The following RASA2 variants were observed in gnomAD, a reference collection of about 807,000 sequenced individuals.
RASA2 encodes ras GTPase-activating protein 2.
Under a neutral mutation model 118.2 loss-of-function variants are expected in RASA2, and 155 were observed. That is an observed-to-expected ratio of 1.31 (90% CI 1.15 to 1.50). The LOEUF (loss-of-function observed/expected upper bound fraction) is 1.50, where lower values mean the gene tolerates loss of function less well. RASA2 is among the 40% of genes most tolerant of loss of function. RASA2 has a pLI of 0.00. For missense variants in RASA2, 1,016 were observed against 1,009.6 expected (o/e 1.01, Z -0.09); for synonymous variants, 353 against 349.1 (o/e 1.01, Z -0.12).
intron 1 of RASA2, among the ~76,000 whole-genome samples, chr3:141,510,967 G>A (rs1423423549): frequency 6.6e-6 from 1 of 152,102 alleles, no homozygotes; most frequent in Non-Finnish European, 1.5e-5. Flanking sequence ...ATTGTAGGAG[G>A]GCCAAAAGTG....
chr3:141,540,445 A>AATT, intron 4 of RASA2, 88 bp from the exon 5 acceptor site: 1 of 1,059,746 alleles, frequency 9.4e-7, no homozygotes, highest in Non-Finnish European at 1.4e-6. Context: ...TCAGTGGATA[A>AATT]ATACTGTGGT....
chr3:141,581,747 A>C (rs2083117075), intron 17 of RASA2, among the ~76,000 whole-genome samples: 1 of 152,208 alleles, frequency 6.6e-6, no homozygotes, highest in Admixed American at 6.5e-5. Flanking sequence ...ATATAAATTT[A>C]TGGTAGTAAC....
intron 17 of RASA2, among the ~76,000 whole-genome samples, chr3:141,584,814 G>C (rs1044659662): frequency 1.3e-5 from 2 of 152,054 alleles, no homozygotes; most frequent in Admixed American, 1.3e-4. Flanking sequence ...AAATGGTTGA[G>C]ACCAGAAGTG....
chr3:141,557,289 T>C (rs182469377), intron 7 of RASA2, among the ~76,000 whole-genome samples: 5 of 152,304 alleles, frequency 3.3e-5, no homozygotes, highest in Non-Finnish European at 5.9e-5. Flanking sequence ...AGCAGACATA[T>C]GTATGCATAT....
At chr3:141,544,209 G>T (rs1281417304) in intron 5 of RASA2, among the ~76,000 whole-genome samples, 2 of 152,080 alleles carry the variant, frequency 1.3e-5, no homozygotes, top group Non-Finnish European at 2.9e-5. Context: ...TAGCTTGATT[G>T]TGATGTATCC....
At chr3:141,495,337 T>C (rs1343072131) in intron 1 of RASA2, among the ~76,000 whole-genome samples, 1 of 152,204 alleles carries the variant, frequency 6.6e-6, no homozygotes, top group African/African-American at 2.4e-5. Context: ...TCCTGTTAAC[T>C]CTTAACCTAC....
At chr3:141,520,542 A>AGTGT (rs34101510) in intron 3 of RASA2, among the ~76,000 whole-genome samples, 88 of 150,802 alleles carry the variant, frequency 5.8e-4, no homozygotes, top group South Asian at 3.8e-3. Flanking sequence ...ATATAACTGG[A>AGTGT]GTGTGTGTGT....
chr3:141,592,821 AAAAG>A (rs2083307704), intron 19 of RASA2, among the ~76,000 whole-genome samples: 1 of 152,140 alleles, frequency 6.6e-6, no homozygotes, highest in Admixed American at 6.5e-5. Context: ...TTGAGGAAAA[AAAAG>A]AAGTAAAGAA....
chr3:141,574,873 A>G (rs1243204423), intron 14 of RASA2, among the ~76,000 whole-genome samples: 2 of 152,096 alleles, frequency 1.3e-5, no homozygotes, highest in South Asian at 2.1e-4. Context: ...GACATTAGAA[A>G]CCTTTCTGTT....
Position 141,571,428 on chromosome 3 carries a change from AC to A in RASA2, c.1044del (p.Tyr348Ter). On this transcript the variant is annotated frameshift_variant, in exon 11 of 24. Coordinates refer to ENST00000286364, the MANE Select transcript of RASA2 (RefSeq NM_006506.5). LOFTEE classifies it high-confidence loss of function. ...DVQPISASAA[Y>X]ILSEICRDKN... ...TAGCCAATATCTGCCTCAGCTGCTT[AC>A]ATTTTGAGTGAAATATGTCGAGATA... is the stretch of plus-strand genomic sequence containing the variant. 1 of 1,613,658 alleles carries A rather than the reference AC, an allele frequency of 6.2e-7. No individual in the cohort carries two copies. The highest frequency in any genetic ancestry group is 8.5e-7 in the Non-Finnish European group (1 of 1,179,822).
intron 1 of RASA2, among the ~76,000 whole-genome samples, chr3:141,504,304 A>AT (rs1347994014): frequency 6.6e-6 from 1 of 152,008 alleles, no homozygotes; most frequent in Non-Finnish European, 1.5e-5. Flanking sequence ...TGATTCTCAA[A>AT]TTTTTTCTCT....
chr3:141,546,777 C>A (rs2082492521), intron 5 of RASA2, among the ~76,000 whole-genome samples: 2 of 152,154 alleles, frequency 1.3e-5, no homozygotes, highest in African/African-American at 4.8e-5. Context: ...TTTGTCTAGT[C>A]CAATGTCCTG....
chr3:141,569,779 C>A (rs989793922), intron 9 of RASA2, among the ~76,000 whole-genome samples: 2 of 152,050 alleles, frequency 1.3e-5, no homozygotes, highest in Admixed American at 6.6e-5. Context: ...TCCCTACCCC[C>A]CTATCTCCCT....
At chr3:141,561,889 A>T (rs1287691263) in intron 9 of RASA2, among the ~76,000 whole-genome samples, 1 of 152,138 alleles carries the variant, frequency 6.6e-6, no homozygotes, top group African/African-American at 2.4e-5. Flanking sequence ...AATATTTGAT[A>T]TGATTTAGCT....
Position 141,573,935 on chromosome 3 carries a change from A to G in RASA2, c.1360-9A>G. 1 of 1,564,880 alleles carries G rather than the reference A, an allele frequency of 6.4e-7. No individual in the cohort carries two copies. On this transcript the variant is annotated splice_polypyrimidine_tract_variant and intron_variant, in intron 13 of 23. Coordinates refer to ENST00000286364, the MANE Select transcript of RASA2 (RefSeq NM_006506.5). ...AAAATCTTAATGTTTACCTTTTTAA[A>G]TCCTGCAGGAGAATCTGCGCTACTA...
At chr3:141,523,068 GCTT>G (rs1361506461) in intron 3 of RASA2, among the ~76,000 whole-genome samples, 5 of 152,064 alleles carry the variant, frequency 3.3e-5, no homozygotes, top group Admixed American at 2.0e-4. Flanking sequence ...GCTTCTCTCT[GCTT>G]CTTATGTATG....
At chr3:141,605,403 T>C (rs2083531776) in intron 19 of RASA2, among the ~76,000 whole-genome samples, 1 of 152,198 alleles carries the variant, frequency 6.6e-6, no homozygotes, top group Non-Finnish European at 1.5e-5. Context: ...ACATTGCAGT[T>C]CACTCCAGTT....
In RASA2 at chr3:141,487,069, G is replaced by A. The variant is rs767937276; in HGVS notation, c.-15G>A. On this transcript the variant is annotated 5_prime_UTR_variant, in exon 1 of 24. Transcript: ENST00000286364. ...TACGCAGGCGGCAGGGCTGCGGCACGGGCCGGGCGGCACCATGGCGGCGGC... is the reference window on the plus strand; with the variant it reads ...TACGCAGGCGGCAGGGCTGCGGCACAGGCCGGGCGGCACCATGGCGGCGGC... 2.4e-6 allele frequency: 3 copies of A among 1,261,914 alleles called. No individual in the cohort carries two copies. Among genetic ancestry groups the A allele is most frequent in the East Asian group, 7.3e-5 (2 of 27,464 alleles). The allele number at this position is 1,261,914 out of a possible 1,614,324, so 78.2% of individuals were successfully genotyped here. A position where few individuals can be genotyped will look rare whatever the true frequency, so the allele number is the denominator to read the frequency against.
intron 8 of RASA2, among the ~76,000 whole-genome samples, chr3:141,559,265 T>C (rs1051283331): frequency 6.6e-6 from 1 of 152,160 alleles, no homozygotes; most frequent in Admixed American, 6.5e-5. Context: ...GTGTAATGGA[T>C]GGAAAGGAAG....
Sources: gnomAD v4.1 joint callset for allele counts (sites outside exome capture counted in the v4.1 genomes callset) on GRCh38, gnomAD v4.1.1 for gene constraint, MANE v1.5 for transcripts, NCBI Gene and HGNC (gene_info 2026-07-23, HGNC 2026-07-21) for gene names.